CD58: variants seen among roughly 807,000 people sequenced by gnomAD.
The protein encoded by CD58 is lymphocyte function-associated antigen 3.
Under a neutral mutation model 27.6 loss-of-function variants are expected in CD58, and 14 were observed. The observed-to-expected ratio is 0.51, with a 90% CI of 0.34 to 0.79. CD58 has a LOEUF of 0.79. Among genes scored for constraint, CD58 ranks in the 30% least tolerant of loss-of-function variants. CD58 has a pLI of 0.02. For synonymous variants in CD58, 117 were observed against 103.8 expected, an observed-to-expected ratio of 1.13 and a Z score of -0.77; for missense variants, 268 against 301.7, an observed-to-expected ratio of 0.89 and a Z score of 0.83.
At chr1:116,569,694 G>A (rs1245614332) in intron 1 of CD58, among the ~76,000 whole-genome samples, 4 of 147,036 alleles carry the variant, frequency 2.7e-5, no homozygotes, top group South Asian at 2.1e-4. Flanking sequence ...CTCTGCCTCC[G>A]GGACTCAGGT....
At chr1:116,551,988 C>T (rs559869018) in intron 1 of CD58, among the ~76,000 whole-genome samples, 2 of 152,308 alleles carry the variant, frequency 1.3e-5, no homozygotes, top group Non-Finnish European at 2.9e-5. Flanking sequence ...GATCCACCCA[C>T]CTTGGCCTCC....
chr1:116,519,178 C>T lies in CD58; in HGVS notation c.743+53G>A. 6.2e-7 allele frequency: 1 copy of T among 1,608,016 alleles called. No homozygotes were observed. The highest frequency in any genetic ancestry group is 8.5e-7 in the Non-Finnish European group (1 of 1,176,656). ...TGGCTTCCCAAGTAATGGGCATCTA[C>T]AGCAGGGCTGCTGTTGTTCTGGCAC... On this transcript the variant is annotated intron_variant, in intron 5 of 5. Transcript: ENST00000369489. The surrounding 1 kb of genome is among the most constrained non-coding windows in gnomAD (Gnocchi z 4.7).
In CD58 at chr1:116,552,032, G is replaced by A. The variant is rs1366063702; in HGVS notation, c.71-7428C>T. On this transcript the variant is annotated intron_variant, in intron 1 of 5. Coordinates refer to ENST00000369489, the MANE Select transcript of CD58 (RefSeq NM_001779.3). The surrounding 1 kb of genome is among the most constrained non-coding windows in gnomAD (Gnocchi z 4.5). ...TGGGATTACAGTTGTGAGCCACCAC[G>A]CCCGGCCACCTGTCATGGCTTTTCA... Among the ~76,000 whole-genome samples, 1 of 152,282 alleles carries A rather than the reference G, an allele frequency of 6.6e-6. No individual in the cohort carries two copies. The highest frequency in any genetic ancestry group is 1.5e-5 in the Non-Finnish European group (1 of 68,020).
At chr1:116,539,529 A>T (rs1170893855) in intron 2 of CD58, among the ~76,000 whole-genome samples, 3 of 152,230 alleles carry the variant, frequency 2.0e-5, no homozygotes, top group African/African-American at 7.2e-5. Flanking sequence ...AAAAGAAAAG[A>T]AAAGAAAAAA....
At chr1:116,535,407 A>G (rs1184320871) in intron 3 of CD58, among the ~76,000 whole-genome samples, 1 of 152,232 alleles carries the variant, frequency 6.6e-6, no homozygotes, top group Non-Finnish European at 1.5e-5. Flanking sequence ...AAACAGGGAT[A>G]AGTACTAGTA....
chr1:116,529,687 T>A (rs1657534241), intron 3 of CD58, among the ~76,000 whole-genome samples: 1 of 152,238 alleles, frequency 6.6e-6, no homozygotes, highest in Non-Finnish European at 1.5e-5. Flanking sequence ...TGTGACACAT[T>A]TATGTAAATC....
rs977179964 is a variant in CD58, at chr1:116,521,167, T to C, written c.706+739A>G. On this transcript the variant is annotated intron_variant, in intron 4 of 5. Coordinates refer to ENST00000369489, the MANE Select transcript of CD58 (RefSeq NM_001779.3). This position sits in a 1 kb window ranked among gnomAD's most constrained non-coding sequence, Gnocchi z 5.6. Reference sequence around the variant, plus strand: ...TCTAAGGAAACTGAAATCTAGTTTATAAACTTGATTCATGACACAATGGAT... The same window carrying C: ...TCTAAGGAAACTGAAATCTAGTTTACAAACTTGATTCATGACACAATGGAT... Among the ~76,000 whole-genome samples, 1 of 152,224 alleles carries C rather than the reference T, an allele frequency of 6.6e-6. No homozygotes were observed. Among genetic ancestry groups the C allele is most frequent in the Admixed American group, 6.5e-5 (1 of 15,288 alleles).
chr1:116,527,734 A>G lies in CD58; in HGVS notation c.629-5751T>C, dbSNP rs1657473337. Among the ~76,000 whole-genome samples the G allele has an allele frequency of 6.6e-6, 1 of 152,226 alleles. No homozygotes were observed. Among genetic ancestry groups the G allele is most frequent in the African/African-American group, 2.4e-5 (1 of 41,470 alleles). ...CCTCTGCTTCTATCTTCTAAAAGAG[A>G]TTATAGAGAATTAGTATTTCTTCCT... On this transcript the variant is annotated intron_variant, in intron 3 of 5. Transcript: ENST00000369489. The surrounding 1 kb of genome is among the most constrained non-coding windows in gnomAD (Gnocchi z 4.4).
rs1351460376 is a variant in CD58 at position 116,538,856 on chromosome 1, G to A, written c.365-2628C>T. Reference sequence around the variant, plus strand: ...CAGATGGGGAGACAGATGGATAGAAGGATAGATTCAGAGAGACAGTCTTCA... The same window carrying A: ...CAGATGGGGAGACAGATGGATAGAAAGATAGATTCAGAGAGACAGTCTTCA... On this transcript the variant is annotated intron_variant, in intron 2 of 5. Coordinates refer to ENST00000369489, the MANE Select transcript of CD58 (RefSeq NM_001779.3). This position sits in a 1 kb window ranked among gnomAD's most constrained non-coding sequence, Gnocchi z 4.7. Among the ~76,000 whole-genome samples, 1 of 152,178 alleles carries A rather than the reference G, an allele frequency of 6.6e-6. No individual in the cohort carries two copies. The highest frequency in any genetic ancestry group is 6.5e-5 in the Admixed American group (1 of 15,280).
rs537236215 is a variant in CD58, at chr1:116,544,331, T to C, written c.344A>G (p.Lys115Arg). The change falls in exon 2 of 6, where the codon AAG (lysine) becomes AGG (arginine). Residue 115 changes from lysine (K) to arginine (R), a missense_variant. By Grantham distance (26) the Lys-to-Arg change is conservative. Coordinates refer to ENST00000369489, the MANE Select transcript of CD58 (RefSeq NM_001779.3). ...CTCACCAAGCACATAAAGAAAGAACTTCATGGTATCAGTAATATTTGGCGA... is the reference window on the plus strand; with the variant it reads ...CTCACCAAGCACATAAAGAAAGAACCTCATGGTATCAGTAATATTTGGCGA... ...MESPNITDTM[K>R]FFLYVLESLP... 1.0e-5 allele frequency: 16 copies of C among 1,604,390 alleles called. No individual in the cohort carries two copies. Among genetic ancestry groups the C allele is most frequent in the Non-Finnish European group, 1.4e-5 (16 of 1,176,744 alleles).
rs1657591045 is a variant in CD58, at chr1:116,531,193, T to G, written c.628+4772A>C. 6.6e-6 allele frequency among the ~76,000 whole-genome samples: 1 copy of G among 152,228 alleles called. No individual in the cohort carries two copies. The highest frequency in any genetic ancestry group is 2.4e-5 in the African/African-American group (1 of 41,462). ...TACTTTCAGTAAGAGTAATTTTACT[T>G]TGTGTCTTCAAATTCTAATGGCAAA... On this transcript the variant is annotated intron_variant, in intron 3 of 5. Coordinates refer to ENST00000369489, the MANE Select transcript of CD58 (RefSeq NM_001779.3). The surrounding 1 kb of genome is among the most constrained non-coding windows in gnomAD (Gnocchi z 4.5).
chr1:116,547,681 T>A (rs1658236938), intron 1 of CD58, among the ~76,000 whole-genome samples: 1 of 152,166 alleles, frequency 6.6e-6, no homozygotes. Flanking sequence ...TCCCACATTT[T>A]CTTTATCCAC....
In CD58 at chr1:116,524,184, G is replaced by A. The variant is rs1479599922; in HGVS notation, c.629-2201C>T. 1.3e-5 allele frequency among the ~76,000 whole-genome samples: 2 copies of A among 152,092 alleles called. No individual in the cohort carries two copies. Among genetic ancestry groups the A allele is most frequent in the Admixed American group, 1.3e-4 (2 of 15,284 alleles). On this transcript the variant is annotated intron_variant, in intron 3 of 5. Coordinates refer to ENST00000369489, the MANE Select transcript of CD58 (RefSeq NM_001779.3). This position sits in a 1 kb window ranked among gnomAD's most constrained non-coding sequence, Gnocchi z 4.6. Reference sequence around the variant, plus strand: ...ATGGAATCAGCCAACTGTCCCAAAGGCCCTAGTTCATTTTCATGGGAAATG... The same window carrying A: ...ATGGAATCAGCCAACTGTCCCAAAGACCCTAGTTCATTTTCATGGGAAATG...
At chr1:116,530,976 T>G (rs1006251767) in intron 3 of CD58, among the ~76,000 whole-genome samples, 1 of 152,096 alleles carries the variant, frequency 6.6e-6, no homozygotes, top group Non-Finnish European at 1.5e-5. Context: ...CAAGCAACAT[T>G]CCTCAAACTT....
chr1:116,515,244 C>T lies in CD58; in HGVS notation c.744-422G>A, dbSNP rs1188165056. 6.6e-6 allele frequency among the ~76,000 whole-genome samples: 1 copy of T among 152,196 alleles called. No individual in the cohort carries two copies. The highest frequency in any genetic ancestry group is 1.9e-4 in the East Asian group (1 of 5,204). On this transcript the variant is annotated intron_variant, in intron 5 of 5. Transcript: ENST00000369489. The surrounding 1 kb of genome is among the most constrained non-coding windows in gnomAD (Gnocchi z 4.6). ...TCCTGTTTAGTCACCTCTGTGGCAACGACAGAACAATCTCTGGCTGTCTTG... is the reference window on the plus strand; with the variant it reads ...TCCTGTTTAGTCACCTCTGTGGCAATGACAGAACAATCTCTGGCTGTCTTG...
rs1178480799 is a variant in CD58, at chr1:116,536,224, A to G, written c.369T>C (p.Ser123=). The G allele has an allele frequency of 1.3e-5, 21 of 1,604,034 alleles. No individual in the cohort carries two copies. The highest frequency in any genetic ancestry group is 1.8e-5 in the Non-Finnish European group (21 of 1,173,288). The change falls in exon 3 of 6, where the codon TCT becomes TCC. Residue 123 remains serine, a synonymous_variant. Transcript: ENST00000369489. This position sits in a 1 kb window ranked among gnomAD's most constrained non-coding sequence, Gnocchi z 5.4. ...TMKFFLYVLE[S]LPSPTLTCAL... ...CACAAGTTAGTGTGGGAGATGGAAG[A>G]GACTCTGGAAAAAAAAGTATAATAT...
chr1:116,535,381 T>C (rs938429993), intron 3 of CD58, among the ~76,000 whole-genome samples: 6 of 152,224 alleles, frequency 3.9e-5, no homozygotes, highest in African/African-American at 1.2e-4. Flanking sequence ...TCTCTCTCTG[T>C]TGGTTTCTCA....
rs1355060647 is a variant in CD58 at position 116,528,349 on chromosome 1, T to C, written c.629-6366A>G. ...ATGATGAATTTTTCCAATTTCTCTC[T>C]TTTTTCTTAGGAGTAAGATCAAAGG... On this transcript the variant is annotated intron_variant, in intron 3 of 5. Coordinates refer to ENST00000369489, the MANE Select transcript of CD58 (RefSeq NM_001779.3). This position sits in a 1 kb window ranked among gnomAD's most constrained non-coding sequence, Gnocchi z 4.4. Among the ~76,000 whole-genome samples, 1 of 152,230 alleles carries C rather than the reference T, an allele frequency of 6.6e-6. No individual in the cohort carries two copies. The highest frequency in any genetic ancestry group is 1.5e-5 in the Non-Finnish European group (1 of 68,048).
Position 116,531,907 on chromosome 1 carries a change from G to T in CD58, c.628+4058C>A, listed in dbSNP as rs757564225. On this transcript the variant is annotated intron_variant, in intron 3 of 5. Transcript: ENST00000369489. The surrounding 1 kb of genome is among the most constrained non-coding windows in gnomAD (Gnocchi z 4.5). ...AGGCCATCCCCGGCTGCCACAGAGC[G>T]CTGTCACCCACTTGGAAACCCCACT... Among the ~76,000 whole-genome samples the T allele has an allele frequency of 1.3e-5, 2 of 152,212 alleles. No homozygotes were observed. Among genetic ancestry groups the T allele is most frequent in the Non-Finnish European group, 2.9e-5 (2 of 68,034 alleles).
Sources: allele counts gnomAD v4.1 joint callset (sites outside exome capture counted in the v4.1 genomes callset), GRCh38; gene constraint gnomAD v4.1.1; non-coding constraint Gnocchi (gnomAD v3.1); transcripts MANE v1.5; gene names NCBI Gene and HGNC (gene_info 2026-07-23, HGNC 2026-07-21).